Variants in NUFIP1 observed in about 807,000 individuals in gnomAD.
The protein encoded by NUFIP1 is nuclear FMR1 interacting protein 1, also known as FMR1-interacting protein NUFIP1.
NUFIP1 carries 38 observed loss-of-function variants against 56.2 expected under a neutral mutation model. That is an observed-to-expected ratio of 0.68 (90% CI 0.52 to 0.89). NUFIP1 has a LOEUF of 0.89. Ranked by LOEUF, NUFIP1 falls within the 40% of genes least tolerant of loss-of-function variation. The pLI is 0.00. For missense variants in NUFIP1, 567 were observed against 605.8 expected, an observed-to-expected ratio of 0.94 and a Z score of 0.67; for synonymous variants, 215 against 212.4, an observed-to-expected ratio of 1.01 and a Z score of -0.10.
intron 5 of NUFIP1, among the ~76,000 whole-genome samples, chr13:44,972,204 C>T (rs193122830): frequency 1.6e-3 from 240 of 152,260 alleles, no homozygotes; most frequent in African/African-American, 5.3e-3. Flanking sequence ...AAACAAAAAC[C>T]TATACGTGAA....
At chr13:44,941,405 C>T (rs534778904) in intron 9 of NUFIP1, 83 bp from the exon 10 acceptor site, 1 of 739,128 alleles carries the variant, frequency 1.4e-6, no homozygotes, top group African/African-American at 1.8e-5. Flanking sequence ...TGTACCCTCA[C>T]CATATAAAGA....
intron 6 of NUFIP1, among the ~76,000 whole-genome samples, chr13:44,960,937 C>G (rs1158099527): frequency 6.6e-6 from 1 of 151,746 alleles, no homozygotes; most frequent in Non-Finnish European, 1.5e-5. Flanking sequence ...CCTGTAGTCC[C>G]AGCTCCTCGG....
chr13:44,944,140 C>A (rs939707000), intron 8 of NUFIP1, among the ~76,000 whole-genome samples: 1 of 152,122 alleles, frequency 6.6e-6, no homozygotes, highest in African/African-American at 2.4e-5. Flanking sequence ...GTAGTATACA[C>A]TGTAAAATCT....
chr13:44,943,703 A>C, intron 8 of NUFIP1, 29 bp from the exon 9 acceptor site: 1 of 1,562,330 alleles, frequency 6.4e-7, no homozygotes, highest in Non-Finnish European at 8.7e-7. Flanking sequence ...AAACACAAAA[A>C]TAAACAAAAC....
chr13:44,944,041 G>C (rs927439994), intron 8 of NUFIP1, among the ~76,000 whole-genome samples: 22 of 151,980 alleles, frequency 1.4e-4, no homozygotes, highest in African/African-American at 5.3e-4. Flanking sequence ...TAAAACTAAA[G>C]CAAAAATATT....
chr13:44,947,396 A>C (rs186174922), intron 8 of NUFIP1, among the ~76,000 whole-genome samples: 1 of 151,400 alleles, frequency 6.6e-6, no homozygotes, highest in Admixed American at 6.6e-5. Flanking sequence ...ACACCACCAC[A>C]CCAGGCTAAT....
intron 5 of NUFIP1, among the ~76,000 whole-genome samples, chr13:44,970,549 T>C (rs1374167470): frequency 6.6e-6 from 1 of 152,262 alleles, no homozygotes; most frequent in Non-Finnish European, 1.5e-5. Flanking sequence ...ATCAAATTCA[T>C]GAAATAAGGA....
intron 5 of NUFIP1, among the ~76,000 whole-genome samples, chr13:44,966,670 C>T (rs1013142441): frequency 1.3e-5 from 2 of 151,934 alleles, no homozygotes; most frequent in African/African-American, 4.8e-5. Context: ...GTTACCAAGA[C>T]GAGGAGGAGA....
chr13:44,959,166 T>C (rs1010635473), intron 7 of NUFIP1, among the ~76,000 whole-genome samples: 5 of 152,230 alleles, frequency 3.3e-5, no homozygotes, highest in African/African-American at 1.2e-4. Context: ...CCTTCTCCTA[T>C]AGCCTCCCTG....
At chr13:44,960,006 A>G (rs1365080536) in intron 6 of NUFIP1, among the ~76,000 whole-genome samples, 2 of 150,014 alleles carry the variant, frequency 1.3e-5, no homozygotes, top group Non-Finnish European at 3.0e-5. Flanking sequence ...ATCTTGGCTC[A>G]CTGCAACCTC....
chr13:44,952,048 G>A (rs77209283), intron 7 of NUFIP1, among the ~76,000 whole-genome samples: 6 of 152,260 alleles, frequency 3.9e-5, no homozygotes, highest in Non-Finnish European at 8.8e-5. Flanking sequence ...TATTAGAGAT[G>A]CCTTTACTGA....
intron 8 of NUFIP1, among the ~76,000 whole-genome samples, chr13:44,945,810 G>A (rs909277826): frequency 6.6e-6 from 1 of 152,052 alleles, no homozygotes; most frequent in Non-Finnish European, 1.5e-5. Flanking sequence ...ATGAATCAGT[G>A]TGATATGATA....
Position 44,979,266 on chromosome 13 carries a change from T to C in NUFIP1, c.658A>G (p.Met220Val), listed in dbSNP as rs368303367. 111 of 1,611,440 alleles carry C rather than the reference T, an allele frequency of 6.9e-5. No individual in the cohort carries two copies. The East Asian group carries it at 1.2e-3, about 18-fold the overall frequency. The stretch of plus-strand genomic sequence containing the variant: ...ATCTTCTTCATGCCAGGAGCATGCA[T>C]CTAGGGGGAAAAAGCCTGCTGAACA... Reference protein sequence around the residue: ...EKIVQFHWRNMHAPGMKKIKL... With the variant: ...EKIVQFHWRNVHAPGMKKIKL... The change falls in exon 5 of 10, where the codon ATG becomes GTG. Residue 220 changes from methionine to valine, a missense_variant and splice_region_variant. Physicochemically the swap from Met to Val is conservative, Grantham distance 21. Transcript: ENST00000379161.
chr13:44,972,432 A>G (rs931673798), intron 5 of NUFIP1, among the ~76,000 whole-genome samples: 9 of 152,256 alleles, frequency 5.9e-5, no homozygotes, highest in Non-Finnish European at 8.8e-5. Context: ...TTCCATTTAT[A>G]TGATGTTGCT....
At chr13:44,973,874 A>G (rs1378370693) in intron 5 of NUFIP1, among the ~76,000 whole-genome samples, 4 of 152,224 alleles carry the variant, frequency 2.6e-5, no homozygotes. Flanking sequence ...CCTGTATGAG[A>G]TATGATAAAT....
intron 5 of NUFIP1, among the ~76,000 whole-genome samples, chr13:44,976,439 G>C (rs189067917): frequency 1.5e-3 from 220 of 150,684 alleles, no homozygotes; most frequent in African/African-American, 5.3e-3. Flanking sequence ...AGGAGGAAGA[G>C]GAAGAGGAGG....
At chr13:44,957,402 G>A (rs1343700785) in intron 7 of NUFIP1, among the ~76,000 whole-genome samples, 3 of 152,130 alleles carry the variant, frequency 2.0e-5, no homozygotes, top group Non-Finnish European at 4.4e-5. Context: ...AGTAGAGACA[G>A]GGTTTCATCA....
intron 7 of NUFIP1, among the ~76,000 whole-genome samples, chr13:44,954,662 G>A (rs893036234): frequency 6.6e-6 from 1 of 152,062 alleles, no homozygotes; most frequent in Non-Finnish European, 1.5e-5. Context: ...CCTTTATGGA[G>A]CAAAGCACAA....
chr13:44,986,055 A>G (rs1872378256), intron 1 of NUFIP1, among the ~76,000 whole-genome samples: 1 of 152,208 alleles, frequency 6.6e-6, no homozygotes, highest in Non-Finnish European at 1.5e-5. Context: ...TCCTGGGCTC[A>G]AGGGATCCTC....
Sources: allele counts gnomAD v4.1 joint callset (sites outside exome capture counted in the v4.1 genomes callset), GRCh38; gene constraint gnomAD v4.1.1; transcripts MANE v1.5; gene names NCBI Gene and HGNC (gene_info 2026-07-23, HGNC 2026-07-21).